GPC5: variants seen among roughly 807,000 people sequenced by gnomAD.
GPC5 encodes the protein glypican 5, also known as glypican-5.
A neutral mutation model predicts 53.9 loss-of-function variants in GPC5; 47 were observed. The ratio of observed to expected loss-of-function variants is 0.87; its 90% CI spans 0.69 to 1.11. The LOEUF (loss-of-function observed/expected upper bound fraction) is 1.11. Among genes scored for constraint, GPC5 ranks in the 50% most tolerant of loss-of-function variants. The pLI is 0.00. For synonymous variants in GPC5, 286 were observed against 263.3 expected (o/e 1.09, Z -0.84); for missense variants, 748 against 713.1 (o/e 1.05, Z -0.56).
intron 5 of GPC5, among the ~76,000 whole-genome samples, chr13:91,859,619 T>A (rs902926977): frequency 1.3e-5 from 2 of 151,962 alleles, no homozygotes; most frequent in East Asian, 3.8e-4. Flanking sequence ...GGTTCTGTAA[T>A]GATATTTCTT....
chr13:92,293,891 T>C (rs1049079692), intron 7 of GPC5, among the ~76,000 whole-genome samples: 2 of 152,210 alleles, frequency 1.3e-5, no homozygotes, highest in East Asian at 3.9e-4. Flanking sequence ...CTGAAAGTCT[T>C]AATCATAAAG....
intron 2 of GPC5, among the ~76,000 whole-genome samples, chr13:91,477,593 G>A (rs567820968): frequency 6.6e-6 from 1 of 152,182 alleles, no homozygotes; most frequent in Non-Finnish European, 1.5e-5. Context: ...ACCCATAAAA[G>A]AGAGTGACCT....
At chr13:92,642,452 A>G (rs1885625683) in intron 7 of GPC5, among the ~76,000 whole-genome samples, 2 of 152,194 alleles carry the variant, frequency 1.3e-5, no homozygotes, top group Admixed American at 1.3e-4. Context: ...CTCTTCTTCC[A>G]TTACATGGTA....
At chr13:91,449,677 G>T (rs1881053903) in intron 2 of GPC5, among the ~76,000 whole-genome samples, 3 of 152,074 alleles carry the variant, frequency 2.0e-5, no homozygotes, top group Admixed American at 2.0e-4. Context: ...ATGTTTAAGG[G>T]TCATTTAAGA....
At position 92,534,317 on chromosome 13, in the gene GPC5, T is replaced by C. The variant is rs150138851; in HGVS notation, c.1562-331965T>C. Among the ~76,000 whole-genome samples the C allele has an allele frequency of 2.9e-4, 44 of 152,260 alleles. No homozygotes were observed. The East Asian group carries it at 8.3e-3, about 29-fold the overall frequency. ...GACAGAAGTCAAGTTCCTTAAAATA[T>C]AGTTGTGTCCTATACAACTTTTTTC... is the stretch of plus-strand genomic sequence containing the variant. On this transcript the variant is annotated intron_variant, in intron 7 of 7. Transcript: ENST00000377067.
At chr13:92,430,778 G>A (rs762357925) in intron 7 of GPC5, among the ~76,000 whole-genome samples, 2 of 152,024 alleles carry the variant, frequency 1.3e-5, no homozygotes, top group Non-Finnish European at 2.9e-5. Context: ...GAGGGACAAT[G>A]GGAACCCAAG....
At chr13:92,452,821 G>A (rs1002507101) in intron 7 of GPC5, among the ~76,000 whole-genome samples, 1 of 152,036 alleles carries the variant, frequency 6.6e-6, no homozygotes, top group South Asian at 2.1e-4. Context: ...CACCTGCCTC[G>A]GCCTCCCAAA....
intron 2 of GPC5, among the ~76,000 whole-genome samples, chr13:91,532,162 A>G (rs1458622721): frequency 6.6e-6 from 1 of 152,224 alleles, no homozygotes; most frequent in Non-Finnish European, 1.5e-5. Flanking sequence ...TATGATTTTG[A>G]CAAAAATCCT....
At chr13:92,163,204 G>T (rs905176751) in intron 7 of GPC5, among the ~76,000 whole-genome samples, 4 of 152,110 alleles carry the variant, frequency 2.6e-5, no homozygotes, top group African/African-American at 9.7e-5. Flanking sequence ...ATTCACGCCT[G>T]TAATCCCAGC....
At chr13:92,571,947 A>T (rs527266766) in intron 7 of GPC5, among the ~76,000 whole-genome samples, 38 of 152,074 alleles carry the variant, frequency 2.5e-4, no homozygotes, top group Non-Finnish European at 4.9e-4. Context: ...AGGTGGAAGG[A>T]TCACCTGTGC....
intron 6 of GPC5, among the ~76,000 whole-genome samples, chr13:92,086,337 G>T (rs1187501866): frequency 5.3e-5 from 8 of 152,126 alleles, no homozygotes; most frequent in African/African-American, 1.2e-4. Context: ...CCAACACTCT[G>T]GGTGACATTA....
At chr13:92,231,475 G>C (rs2042529855) in intron 7 of GPC5, among the ~76,000 whole-genome samples, 1 of 152,094 alleles carries the variant, frequency 6.6e-6, no homozygotes. Context: ...GATAGATGCA[G>C]AGACCCCTAA....
intron 1 of GPC5, among the ~76,000 whole-genome samples, chr13:91,414,179 G>A (rs1878015153): frequency 6.6e-6 from 1 of 152,174 alleles, no homozygotes; most frequent in African/African-American, 2.4e-5. Flanking sequence ...GGACCCAGTG[G>A]GAGGCAATTG....
At chr13:92,260,679 G>A (rs1008422700) in intron 7 of GPC5, among the ~76,000 whole-genome samples, 1 of 152,088 alleles carries the variant, frequency 6.6e-6, no homozygotes, top group African/African-American at 2.4e-5. Flanking sequence ...GGGTGGGTTT[G>A]GTTACTAGTA....
intron 7 of GPC5, among the ~76,000 whole-genome samples, chr13:92,437,227 C>T (rs554977918): frequency 4.6e-5 from 7 of 152,216 alleles, no homozygotes; most frequent in Middle Eastern, 3.4e-3. Context: ...TCAATAGAAT[C>T]GGCCCTTTTA....
chr13:91,915,098 A>C (rs1443430589), intron 6 of GPC5, among the ~76,000 whole-genome samples: 9 of 152,184 alleles, frequency 5.9e-5, no homozygotes, highest in Admixed American at 4.6e-4. Context: ...TGACATTGTC[A>C]CATCCCCAGG....
intron 7 of GPC5, among the ~76,000 whole-genome samples, chr13:92,205,120 C>T (rs1246921650): frequency 2.0e-5 from 3 of 152,058 alleles, no homozygotes; most frequent in Non-Finnish European, 2.9e-5. Flanking sequence ...CCTCGTGATC[C>T]GCCCACCTCG....
At chr13:92,597,864 G>T (rs1207727923) in intron 7 of GPC5, among the ~76,000 whole-genome samples, 1 of 152,186 alleles carries the variant, frequency 6.6e-6, no homozygotes, top group Non-Finnish European at 1.5e-5. Flanking sequence ...TCATTCTGTT[G>T]CTGTTCATCC....
intron 6 of GPC5, among the ~76,000 whole-genome samples, chr13:91,943,695 ATTATATTAT>A (rs2039948728): frequency 6.6e-6 from 1 of 152,142 alleles, no homozygotes. Context: ...AGTAGGACGG[ATTATATTAT>A]TTGTCGAAAT....
Sources: allele counts gnomAD v4.1 joint callset (sites outside exome capture counted in the v4.1 genomes callset), GRCh38; gene constraint gnomAD v4.1.1; transcripts MANE v1.5; gene names NCBI Gene and HGNC (gene_info 2026-07-23, HGNC 2026-07-21).